The following RFX8 variants were observed in gnomAD, a reference collection of about 807,000 sequenced individuals.
RFX8 encodes DNA-binding protein RFX8.
In RFX8, 46 loss-of-function variants were observed where a neutral mutation model predicts 54.6. The ratio of observed to expected loss-of-function variants is 0.84; its 90% confidence interval spans 0.67 to 1.08. The LOEUF is 1.08. Ranked by LOEUF, RFX8 falls within the 50% of genes least tolerant of loss-of-function variation. RFX8 has a pLI of 0.00. For missense variants in RFX8, 536 were observed against 562.3 expected (o/e 0.95, Z 0.47); for synonymous variants, 192 against 209.5 (o/e 0.92, Z 0.72).
At chr2:101,406,339 ATTTT>A (rs199815275) in intron 9 of RFX8, among the ~76,000 whole-genome samples, 1 of 146,488 alleles carries the variant, frequency 6.8e-6, no homozygotes, top group Non-Finnish European at 1.5e-5. Context: ...AAAAAAGCAA[ATTTT>A]TTTTTTTTGA....
chr2:101,417,724 G>GT, intron 5 of RFX8, 40 bp from the exon 6 acceptor site: 1 of 1,506,512 alleles, frequency 6.6e-7, no homozygotes, highest in Non-Finnish European at 8.9e-7. Context: ...TCTGCTGATG[G>GT]TGCAGGTGTG....
chr2:101,421,644 A>G (rs1573393078), intron 4 of RFX8, 80 bp downstream of exon 4: 3 of 1,501,502 alleles, frequency 2.0e-6, no homozygotes, highest in Non-Finnish European at 1.8e-6. Context: ...GTCTCTTCAA[A>G]TAAAAATGAT....
intron 1 of RFX8, among the ~76,000 whole-genome samples, chr2:101,471,334 A>G (rs1689975791): frequency 6.6e-6 from 1 of 152,034 alleles, no homozygotes; most frequent in Admixed American, 6.5e-5. Context: ...ACTCCATCTC[A>G]GAACAAACAA....
chr2:101,445,213 C>G (rs1273450134), intron 2 of RFX8, among the ~76,000 whole-genome samples: 2 of 152,204 alleles, frequency 1.3e-5, no homozygotes, highest in Non-Finnish European at 2.9e-5. Flanking sequence ...AGTCCACCCT[C>G]AGACTTTCTT....
At chr2:101,429,006 C>A (rs1183779521) in intron 2 of RFX8, 1 of 1,531,226 alleles carries the variant, frequency 6.5e-7, no homozygotes, top group South Asian at 1.2e-5. Flanking sequence ...TTTTCAAAGG[C>A]AATGGCATCT....
At chr2:101,452,009 C>T (rs1029541700) in intron 2 of RFX8, among the ~76,000 whole-genome samples, 1 of 152,098 alleles carries the variant, frequency 6.6e-6, no homozygotes, top group Non-Finnish European at 1.5e-5. Flanking sequence ...GGAAGGACTG[C>T]TTGAGCCCAG....
chr2:101,432,132 C>T (rs1158064545), intron 2 of RFX8, among the ~76,000 whole-genome samples: 1 of 152,136 alleles, frequency 6.6e-6, no homozygotes, highest in African/African-American at 2.4e-5. Context: ...CTCTTTCCAC[C>T]TCTGGAATGC....
rs1390094484 is a variant in RFX8 at position 101,417,580 on chromosome 2, A to G, written c.456T>C (p.Asn152=). 1 of 1,551,840 alleles carries G rather than the reference A, an allele frequency of 6.4e-7. No individual in the cohort carries two copies. The highest frequency in any genetic ancestry group is 1.4e-5 in the African/African-American group (1 of 73,176). The change falls in exon 6 of 12, where the codon AAT becomes AAC. Residue 152 remains asparagine, a synonymous_variant. Coordinates refer to ENST00000428343, the MANE Select transcript of RFX8 (RefSeq NM_001145664.2). ...AGAGGGCTGGAACACCTTCCAAAGCATTAAGGAGCCACAGCTTAAATTTCT... is the reference window on the plus strand; with the variant it reads ...AGAGGGCTGGAACACCTTCCAAAGCGTTAAGGAGCCACAGCTTAAATTTCT... The part of the protein sequence containing the change: ...FSKKFKLWLL[N]ALEGVPALLQ...
intron 1 of RFX8, among the ~76,000 whole-genome samples, chr2:101,473,961 G>C (rs935442577): frequency 6.6e-6 from 1 of 152,222 alleles, no homozygotes; most frequent in Non-Finnish European, 1.5e-5. Context: ...GTGACAACGG[G>C]GAAGTCACAG....
intron 10 of RFX8, among the ~76,000 whole-genome samples, chr2:101,403,165 G>A (rs1685544819): frequency 6.6e-6 from 1 of 152,180 alleles, no homozygotes; most frequent in Non-Finnish European, 1.5e-5. Flanking sequence ...GAACCCTGCT[G>A]CTGTTTTGTG....
intron 2 of RFX8, among the ~76,000 whole-genome samples, chr2:101,464,941 A>G (rs1689494205): frequency 1.3e-5 from 2 of 152,198 alleles, no homozygotes; most frequent in Admixed American, 6.5e-5. Context: ...TAAGGGTGGT[A>G]GATGGCTGGA....
chr2:101,473,946 G>T (rs1044130726), intron 1 of RFX8, among the ~76,000 whole-genome samples: 1 of 152,242 alleles, frequency 6.6e-6, no homozygotes. Context: ...CTTTCCGCGG[G>T]AAGGGTGACA....
intron 2 of RFX8, among the ~76,000 whole-genome samples, chr2:101,439,524 T>A (rs1573434230): frequency 1.3e-5 from 2 of 152,076 alleles, no homozygotes; most frequent in East Asian, 3.9e-4. Flanking sequence ...AAGTCTACGA[T>A]CCATTTTGAG....
rs532449350 is a variant in RFX8, at chr2:101,414,928, C to T, written c.503-16G>A. ...AGAGTAACTTCTGTTAAGAACAACA[C>T]ACGTGGCCATTAATACAATAACTTC... On this transcript the variant is annotated splice_polypyrimidine_tract_variant and intron_variant, in intron 6 of 11. Coordinates refer to ENST00000428343, the MANE Select transcript of RFX8 (RefSeq NM_001145664.2). The T allele has an allele frequency of 1.4e-5, 21 of 1,539,412 alleles. No homozygotes were observed. Among genetic ancestry groups the T allele is most frequent in the East Asian group, 2.5e-5 (1 of 40,748 alleles).
chr2:101,422,941 G>A (rs1221001588), intron 2 of RFX8, among the ~76,000 whole-genome samples: 1 of 152,142 alleles, frequency 6.6e-6, no homozygotes, highest in Non-Finnish European at 1.5e-5. Flanking sequence ...GGAAAATGAG[G>A]AGCATGGACT....
chr2:101,416,149 T>C (rs908135), intron 6 of RFX8, among the ~76,000 whole-genome samples: 9,683 of 151,770 alleles, frequency 0.064, 489 homozygotes, highest in Admixed American at 0.13. Context: ...AATTGATTAA[T>C]TGCTGCTTTA....
At chr2:101,425,574 G>A (rs1171912369) in intron 2 of RFX8, among the ~76,000 whole-genome samples, 2 of 152,110 alleles carry the variant, frequency 1.3e-5, no homozygotes, top group Non-Finnish European at 2.9e-5. Context: ...CAATTACAAG[G>A]AGAATATAAA....
In RFX8 at chr2:101,469,014, A is replaced by G. The variant is rs1308691842; in HGVS notation, c.-52-2114T>C. Among the ~76,000 whole-genome samples the G allele has an allele frequency of 0.015, 387 of 26,488 alleles. 26 individuals carry two copies. The East Asian group carries it at 0.2, about 14-fold the overall frequency. 17.4% of individuals were successfully genotyped at this position (26,488 alleles called of 152,430 possible). ...TAAGTATATATATACGTATATATAT[A>G]TAGGTATATATATATACGTATATAT... On this transcript the variant is annotated intron_variant, in intron 1 of 11. Coordinates refer to ENST00000428343, the MANE Select transcript of RFX8 (RefSeq NM_001145664.2).
At chr2:101,466,747 A>C in intron 2 of RFX8, 30 bp downstream of exon 2, 2 of 1,484,596 alleles carry the variant, frequency 1.3e-6, no homozygotes, top group Non-Finnish European at 1.8e-6. Flanking sequence ...CACTCAGTGA[A>C]TAGAGCGTTC....
Sources: allele counts gnomAD v4.1 joint callset (sites outside exome capture counted in the v4.1 genomes callset), GRCh38; gene constraint gnomAD v4.1.1; transcripts MANE v1.5; gene names NCBI Gene and HGNC (gene_info 2026-07-23, HGNC 2026-07-21).